The following PRIM2 variants were observed in gnomAD, a reference collection of about 807,000 sequenced individuals.
PRIM2 encodes DNA primase subunit 2.
In PRIM2, 39 loss-of-function variants were observed where a neutral mutation model predicts 67.3. The ratio of observed to expected loss-of-function variants is 0.58; its 90% CI spans 0.45 to 0.76. PRIM2 has a LOEUF of 0.76. Ranked by LOEUF, PRIM2 falls within the 30% of genes least tolerant of loss-of-function variation. PRIM2 has a pLI of 0.00. For synonymous variants in PRIM2, 143 were observed against 198.7 expected, an observed-to-expected ratio of 0.72 and a Z score of 2.36; for missense variants, 398 against 598.7, an observed-to-expected ratio of 0.66 and a Z score of 3.50.
intron 7 of PRIM2, among the ~76,000 whole-genome samples, chr6:57,433,055 A>G (rs1771885668): frequency 6.6e-6 from 1 of 152,178 alleles, no homozygotes. Flanking sequence ...TGTAAATAAA[A>G]TTTTATTGGA....
At chr6:57,603,831 G>C (rs1776514308) in intron 11 of PRIM2, among the ~76,000 whole-genome samples, 2 of 151,752 alleles carry the variant, frequency 1.3e-5, no homozygotes, top group East Asian at 3.9e-4. Context: ...ATGTTTTCCT[G>C]TTTGTGTTGT....
chr6:57,587,359 G>T (rs1205897288), intron 10 of PRIM2, among the ~76,000 whole-genome samples: 93 of 152,128 alleles, frequency 6.1e-4, no homozygotes, highest in African/African-American at 2.2e-3. Flanking sequence ...TTTATGAAGG[G>T]GAATATTATA....
At chr6:57,462,949 A>G (rs1370278861) in intron 7 of PRIM2, among the ~76,000 whole-genome samples, 1 of 151,922 alleles carries the variant, frequency 6.6e-6, no homozygotes, top group Non-Finnish European at 1.5e-5. Flanking sequence ...GCTACGTGCT[A>G]CTCTTTAGTT....
chr6:57,424,846 TG>T (rs1771569693), intron 7 of PRIM2, among the ~76,000 whole-genome samples: 1 of 152,204 alleles, frequency 6.6e-6, no homozygotes, highest in Non-Finnish European at 1.5e-5. Flanking sequence ...TTGCATAATT[TG>T]AGACAACTAA....
intron 10 of PRIM2, among the ~76,000 whole-genome samples, chr6:57,561,527 C>G (rs1775629842): frequency 6.6e-6 from 1 of 152,198 alleles, no homozygotes; most frequent in South Asian, 2.1e-4. Context: ...GCCACTCTGC[C>G]CAGCCAATTC....
At chr6:57,412,694 T>G (rs1159897077) in intron 7 of PRIM2, among the ~76,000 whole-genome samples, 2 of 152,104 alleles carry the variant, frequency 1.3e-5, no homozygotes, top group African/African-American at 4.8e-5. Flanking sequence ...GGAAATAATT[T>G]TTTAATTTTC....
intron 7 of PRIM2, among the ~76,000 whole-genome samples, chr6:57,440,019 G>A (rs536266396): frequency 1.3e-5 from 2 of 151,528 alleles, no homozygotes; most frequent in African/African-American, 2.4e-5. Flanking sequence ...GTTGACTAGA[G>A]TAATATATGT....
intron 7 of PRIM2, among the ~76,000 whole-genome samples, chr6:57,393,769 A>G (rs1770436883): frequency 6.6e-6 from 1 of 151,756 alleles, no homozygotes; most frequent in Non-Finnish European, 1.5e-5. Context: ...TCCCAATGTT[A>G]TCTTCTAGAA....
At chr6:57,280,734 C>G in the PRIM2 span, among the ~76,000 whole-genome samples, 1 of 152,128 alleles carries the variant, frequency 6.6e-6, no homozygotes, top group Non-Finnish European at 1.5e-5. Flanking sequence ...GTCTCGAACT[C>G]CTGACCTCAT....
the PRIM2 span, among the ~76,000 whole-genome samples, chr6:57,300,732 A>G: frequency 9.9e-5 from 15 of 152,272 alleles, 1 homozygote; most frequent in South Asian, 2.7e-3. Flanking sequence ...TTTAGAAACA[A>G]CAGTCCCCGG....
intron 8 of PRIM2, among the ~76,000 whole-genome samples, chr6:57,530,604 T>A (rs1192030777): frequency 6.6e-6 from 1 of 152,234 alleles, no homozygotes; most frequent in Non-Finnish European, 1.5e-5. Flanking sequence ...GGGTGGCATC[T>A]TCTGGTTTCC....
intron 7 of PRIM2, among the ~76,000 whole-genome samples, chr6:57,387,039 A>C (rs1029339606): frequency 6.6e-6 from 1 of 152,174 alleles, no homozygotes; most frequent in Non-Finnish European, 1.5e-5. Flanking sequence ...AAAAATTGAC[A>C]TTACTTTTTC....
intron 10 of PRIM2, among the ~76,000 whole-genome samples, chr6:57,562,505 A>C (rs1219014860): frequency 6.6e-6 from 1 of 152,198 alleles, no homozygotes; most frequent in African/African-American, 2.4e-5. Flanking sequence ...CTATATGCCA[A>C]TAACTCCTAA....
intron 5 of PRIM2, among the ~76,000 whole-genome samples, chr6:57,326,721 A>AG (rs995885683): frequency 9.8e-6 from 1 of 102,160 alleles, no homozygotes; most frequent in Non-Finnish European, 2.3e-5. Context: ...ACTCCGTCTC[A>AG]AAAAAAAAAT....
At chr6:57,270,440 G>A in the PRIM2 span, among the ~76,000 whole-genome samples, 2 of 152,152 alleles carry the variant, frequency 1.3e-5, no homozygotes, top group Non-Finnish European at 2.9e-5. Flanking sequence ...TCTGTTATTG[G>A]TGTATAAGAA....
chr6:57,555,570 G>A (rs1297199432), intron 10 of PRIM2, among the ~76,000 whole-genome samples: 3 of 152,182 alleles, frequency 2.0e-5, no homozygotes, highest in Admixed American at 6.5e-5. Flanking sequence ...GTGAGCCACC[G>A]TGCCTGGCCT....
chr6:57,590,295 G>C (rs1776262771), intron 10 of PRIM2, among the ~76,000 whole-genome samples: 2 of 152,156 alleles, frequency 1.3e-5, no homozygotes, highest in African/African-American at 4.8e-5. Flanking sequence ...TTCAGATCCA[G>C]ATCTAAATCA....
chr6:57,235,865 TTCAAGATGGAGAAGG>T, the PRIM2 span, among the ~76,000 whole-genome samples: 1 of 152,116 alleles, frequency 6.6e-6, no homozygotes, highest in African/African-American at 2.4e-5. Flanking sequence ...GCTGCTGGCT[TTCAAGATGGAGAAGG>T]GGGCTACAAG....
At position 57,433,270 on chromosome 6, in the gene PRIM2, G is replaced by C. The variant is rs192544200; in HGVS notation, c.693+51102G>C. Among the ~76,000 whole-genome samples, 271 of 151,478 alleles carry C rather than the reference G, an allele frequency of 1.8e-3. 1 individual carries two copies. The highest frequency in any genetic ancestry group is 6.4e-3 in the African/African-American group (262 of 41,208). On this transcript the variant is annotated intron_variant, in intron 7 of 13. Coordinates refer to ENST00000615550, the MANE Select transcript of PRIM2 (RefSeq NM_000947.5). ...AATTATTATTATACTTTAAGTTTTA[G>C]GGTACATGTGCACAATGTGCAGGTT...
Sources: gnomAD v4.1 joint callset for allele counts (sites outside exome capture counted in the v4.1 genomes callset) on GRCh38, gnomAD v4.1.1 for gene constraint, MANE v1.5 for transcripts, NCBI Gene and HGNC (gene_info 2026-07-23, HGNC 2026-07-21) for gene names.